Variants in MID1 observed in about 807,000 individuals in gnomAD.
MID1 encodes midline 1, also known as E3 ubiquitin-protein ligase Midline-1.
Under a neutral mutation model 40.4 loss-of-function variants are expected in MID1, and 7 were observed. The observed-to-expected ratio is 0.17, with a 90% CI of 0.10 to 0.33. MID1 has a LOEUF of 0.33. Among genes scored for constraint, MID1 ranks in the 10% least tolerant of loss-of-function variants. The pLI is 1.00. For synonymous variants in MID1, 229 were observed against 221.2 expected (o/e 1.04, Z -0.31); for missense variants, 367 against 558.5 (o/e 0.66, Z 3.46).
chrX:10,491,616 ATATAT>A, intron 4 of MID1, among the ~76,000 whole-genome samples: 2 of 111,515 alleles, frequency 1.8e-5, no homozygotes, highest in Middle Eastern at 9.2e-3. Context: ...ACTACTTATG[ATATAT>A]TATAGTTCTT....
At chrX:10,528,750 A>C (rs1394119207) in intron 2 of MID1, among the ~76,000 whole-genome samples, 1 of 112,036 alleles carries the variant, frequency 8.9e-6, no homozygotes. Context: ...ATTTGTCCCA[A>C]ACTTTTTGTG....
At chrX:10,581,815 T>G (rs769286848) in intron 1 of MID1, among the ~76,000 whole-genome samples, 41 of 111,880 alleles carry the variant, frequency 3.7e-4, no homozygotes, top group African/African-American at 1.3e-3. Context: ...CATACCTCTG[T>G]TCATTACCAC....
chrX:10,719,072 A>G (rs1026278651), intron 1 of MID1, among the ~76,000 whole-genome samples: 2 of 111,974 alleles, frequency 1.8e-5, no homozygotes, highest in Non-Finnish European at 3.8e-5. Context: ...TATTTATGAC[A>G]AAGCCACAGC....
At chrX:10,582,989 T>C (rs1482483623) in intron 1 of MID1, 1 of 111,865 alleles carries the variant, frequency 8.9e-6, no homozygotes, top group African/African-American at 3.2e-5. Context: ...TTTATGACAC[T>C]GGAAATCCTA....
intron 3 of MID1, among the ~76,000 whole-genome samples, chrX:10,510,636 T>G (rs925112120): frequency 3.0e-4 from 32 of 105,866 alleles, no homozygotes; most frequent in Non-Finnish European, 4.7e-4. Context: ...ATCGAGACCA[T>G]CCTGGCCAAC....
At position 10,618,164 on chromosome X, in the gene MID1, G is replaced by T. The variant is rs770677113; in HGVS notation, c.-57+2126C>A. Among the ~76,000 whole-genome samples, 8 of 112,227 alleles carry T rather than the reference G, an allele frequency of 7.1e-5. No individual in the cohort carries two copies. In the South Asian group the frequency reaches 3.0e-3, roughly 42 times the overall value. ...TGTACAACATTTGTGCAGCCCTAGG[G>T]ACAGATCACTCATCAGCAAAGAGAT... On this transcript the variant is annotated intron_variant, in intron 1 of 9. Coordinates refer to ENST00000317552, the MANE Select transcript of MID1 (RefSeq NM_000381.4).
In MID1 at chrX:10,475,151, G is replaced by A. The variant is rs144706827; in HGVS notation, c.1014-401C>T. On this transcript the variant is annotated intron_variant, in intron 5 of 9. Coordinates refer to ENST00000317552, the MANE Select transcript of MID1 (RefSeq NM_000381.4). ...GGGAAACTGTTTGTTCCTTTCAGAC[G>A]CAACCCTGATCCACTTCAAAGGAGA... 3.6e-3 allele frequency: 1,190 copies of A among 332,288 alleles called. 7 individuals carry two copies. Among genetic ancestry groups the A allele is most frequent in the African/African-American group, 0.018 (677 of 37,969 alleles). The allele number at this position is 332,288 out of a possible 1,213,427, so 27.4% of individuals were successfully genotyped here.
At chrX:10,751,051 G>A (rs1487559116) in intron 1 of MID1, among the ~76,000 whole-genome samples, 1 of 110,342 alleles carries the variant, frequency 9.1e-6, no homozygotes, top group South Asian at 3.9e-4. Context: ...GATCACTTGG[G>A]GTCAGGAGTT....
chrX:10,579,991 C>T (rs1332615177), intron 1 of MID1, among the ~76,000 whole-genome samples: 2 of 110,140 alleles, frequency 1.8e-5, no homozygotes, highest in Non-Finnish European at 1.9e-5. Context: ...GGAGCCTTCT[C>T]GGAGAAATTC....
At chrX:10,726,854 C>G (rs886890908) in intron 1 of MID1, among the ~76,000 whole-genome samples, 6 of 112,770 alleles carry the variant, frequency 5.3e-5, no homozygotes, top group African/African-American at 1.6e-4. Flanking sequence ...TGACTAAACT[C>G]TTTCTGAAGC....
At position 10,825,412 on chromosome X, in the gene MID1, A is replaced by G. The variant is rs893230719; in HGVS notation, c.-187+8142T>C. Among the ~76,000 whole-genome samples the G allele has an allele frequency of 8.0e-5, 9 of 112,107 alleles. No individual in the cohort carries two copies. The East Asian group carries it at 2.5e-3, about 31-fold the overall frequency. On this transcript the variant is annotated intron_variant, in intron 1 of 10. Coordinates refer to the MID1 transcript ENST00000380785. Reference sequence around the variant, plus strand: ...AGAAAGGAATTCGCTGAGGTCACTCAAGGGTAGTGGAATTACACATGTCAT... The same window carrying G: ...AGAAAGGAATTCGCTGAGGTCACTCGAGGGTAGTGGAATTACACATGTCAT...
At chrX:10,730,490 T>C (rs938833300) in intron 1 of MID1, among the ~76,000 whole-genome samples, 2 of 110,925 alleles carry the variant, frequency 1.8e-5, no homozygotes, top group African/African-American at 6.6e-5. Flanking sequence ...GTCTGGGCTT[T>C]CAGTGTAACT....
intron 1 of MID1, among the ~76,000 whole-genome samples, chrX:10,636,785 GATAT>G (rs60188235): frequency 0.18 from 7,567 of 42,590 alleles, 640 homozygotes; most frequent in Non-Finnish European, 0.23. Flanking sequence ...CAACAATGGG[GATAT>G]ATATATATAT....
Position 10,728,545 on chromosome X carries a change from T to A in MID1, c.-187+105009A>T, listed in dbSNP as rs777102017. On this transcript the variant is annotated intron_variant, in intron 1 of 10. Transcript: ENST00000380785. Reference sequence around the variant, plus strand: ...CTATTATATTAATAGGCTACTTTTTTAAAACTACTAAGCTAGTAGCCTGTG... The same window carrying A: ...CTATTATATTAATAGGCTACTTTTTAAAAACTACTAAGCTAGTAGCCTGTG... 4.8e-3 allele frequency among the ~76,000 whole-genome samples: 537 copies of A among 112,319 alleles called. 3 individuals are homozygous for A. Among genetic ancestry groups the A allele is most frequent in the African/African-American group, 0.016 (504 of 30,941 alleles).
intron 1 of MID1, among the ~76,000 whole-genome samples, chrX:10,570,213 C>A (rs112248553): frequency 0.059 from 6,532 of 111,198 alleles, 269 homozygotes; most frequent in African/African-American, 0.14. Flanking sequence ...CTCAAACATG[C>A]CAAGCACATC....
intron 1 of MID1, among the ~76,000 whole-genome samples, chrX:10,626,675 A>T (rs1017561184): frequency 6.3e-5 from 7 of 111,890 alleles, no homozygotes; most frequent in African/African-American, 2.0e-4. Flanking sequence ...AGGACAGAAC[A>T]CCTAGTAAAG....
intron 1 of MID1, among the ~76,000 whole-genome samples, chrX:10,590,117 T>A (rs760866008): frequency 7.2e-5 from 8 of 110,915 alleles, no homozygotes; most frequent in Admixed American, 4.8e-4. Flanking sequence ...AGTTTTACAA[T>A]GTCTTTCTAT....
In MID1 at chrX:10,639,629, G is replaced by A. The variant is rs1936164687; in HGVS notation, c.-186-19210C>T. On this transcript the variant is annotated intron_variant, in intron 1 of 10. Coordinates refer to the MID1 transcript ENST00000380785. ...AGGAGAACCTCCCCAACCTAGTGAGGCAGGCCAACATTCAAATTCAGGAAA... is the reference window on the plus strand; with the variant it reads ...AGGAGAACCTCCCCAACCTAGTGAGACAGGCCAACATTCAAATTCAGGAAA... Among the ~76,000 whole-genome samples, 3 of 111,583 alleles carry A rather than the reference G, an allele frequency of 2.7e-5. No individual in the cohort carries two copies. The Admixed American group carries it at 2.9e-4, about 11-fold the overall frequency.
chrX:10,656,209 T>C (rs2042871193), intron 1 of MID1, among the ~76,000 whole-genome samples: 1 of 112,215 alleles, frequency 8.9e-6, no homozygotes, highest in Admixed American at 9.4e-5. Context: ...AATTTAGTTA[T>C]TCTGTGACTT....
Sources: gnomAD v4.1 joint callset for allele counts (sites outside exome capture counted in the v4.1 genomes callset) on GRCh38, gnomAD v4.1.1 for gene constraint, MANE v1.5 for transcripts, NCBI Gene and HGNC (gene_info 2026-07-23, HGNC 2026-07-21) for gene names.